The following ZNF385B variants were observed in gnomAD, a reference collection of about 807,000 sequenced individuals.
The protein encoded by ZNF385B is zinc finger protein 533.
ZNF385B carries 23 observed loss-of-function variants against 39.2 expected under a neutral mutation model. The ratio of observed to expected loss-of-function variants is 0.59; its 90% CI spans 0.42 to 0.83. ZNF385B has a LOEUF of 0.83. Among genes scored for constraint, ZNF385B ranks in the 40% least tolerant of loss-of-function variants. ZNF385B has a pLI of 0.00. For missense variants in ZNF385B, 552 were observed against 598.9 expected (o/e 0.92, Z 0.82); for synonymous variants, 205 against 222.6 (o/e 0.92, Z 0.70).
chr2:179,716,813 C>T (rs929777264), intron 3 of ZNF385B, among the ~76,000 whole-genome samples: 1 of 152,190 alleles, frequency 6.6e-6, no homozygotes, highest in African/African-American at 2.4e-5. Context: ...CCTAAGGCCA[C>T]CATGCAGTAA....
intron 1 of ZNF385B, among the ~76,000 whole-genome samples, chr2:179,820,834 T>C (rs1042936030): frequency 6.6e-5 from 10 of 152,136 alleles, no homozygotes; most frequent in Admixed American, 6.5e-4. Flanking sequence ...TTCTTGTAAA[T>C]ATTCTAAGTC....
At chr2:179,579,914 C>T (rs1053752876) in intron 3 of ZNF385B, among the ~76,000 whole-genome samples, 3 of 152,096 alleles carry the variant, frequency 2.0e-5, no homozygotes, top group Non-Finnish European at 2.9e-5. Context: ...AAGTAACTTG[C>T]CCACTTACTG....
intron 3 of ZNF385B, among the ~76,000 whole-genome samples, chr2:179,584,291 C>T (rs1388454790): frequency 6.6e-6 from 1 of 152,018 alleles, no homozygotes; most frequent in Non-Finnish European, 1.5e-5. Flanking sequence ...TCAAAAGTCC[C>T]TGGTGGGGTG....
chr2:179,808,472 T>C (rs1706533741), intron 1 of ZNF385B, among the ~76,000 whole-genome samples: 1 of 152,222 alleles, frequency 6.6e-6, no homozygotes, highest in Admixed American at 6.5e-5. Context: ...GCTGTAGCTG[T>C]AATGTAGTGC....
At chr2:179,636,979 C>T (rs527450912) in intron 3 of ZNF385B, among the ~76,000 whole-genome samples, 1 of 152,052 alleles carries the variant, frequency 6.6e-6, no homozygotes, top group East Asian at 1.9e-4. Flanking sequence ...ATAAATATAT[C>T]TAGCCACTCT....
rs185299111 is a variant in ZNF385B at position 179,707,145 on chromosome 2, C to T, written c.298+62358G>A. 4.2e-4 allele frequency among the ~76,000 whole-genome samples: 64 copies of T among 152,334 alleles called. No individual in the cohort carries two copies. In the Middle Eastern group the frequency reaches 0.017, roughly 40 times the overall value. ...AGGGGGTAACCCCATAAGACTTGCC[C>T]GCATCTAAAAGACGGCAGCACACTA... is the stretch of plus-strand genomic sequence containing the variant. On this transcript the variant is annotated intron_variant, in intron 3 of 9. Transcript: ENST00000410066.
chr2:179,600,769 C>A (rs908916787), intron 3 of ZNF385B, among the ~76,000 whole-genome samples: 1 of 152,162 alleles, frequency 6.6e-6, no homozygotes, highest in Non-Finnish European at 1.5e-5. Context: ...ATTGTGAGCT[C>A]CTTGAAGACA....
rs563604640 is a variant in ZNF385B at position 179,721,980 on chromosome 2, T to C, written c.298+47523A>G. Among the ~76,000 whole-genome samples, 14 of 152,192 alleles carry C rather than the reference T, an allele frequency of 9.2e-5. No individual in the cohort carries two copies. In the East Asian group the frequency reaches 2.7e-3, roughly 29 times the overall value. ...TATTTATATACAATATAAAATAGTC[T>C]AAAGATAAATATTAGAATTATTGGA... On this transcript the variant is annotated intron_variant, in intron 3 of 9. Coordinates refer to ENST00000410066, the MANE Select transcript of ZNF385B (RefSeq NM_152520.6).
chr2:179,593,126 C>A (rs968141171), intron 3 of ZNF385B, among the ~76,000 whole-genome samples: 1 of 151,824 alleles, frequency 6.6e-6, no homozygotes, highest in Non-Finnish European at 1.5e-5. Flanking sequence ...TTGCTGTCAA[C>A]GGGAATGATA....
chr2:179,567,482 A>G (rs1684731062), intron 3 of ZNF385B, among the ~76,000 whole-genome samples: 1 of 152,238 alleles, frequency 6.6e-6, no homozygotes, highest in African/African-American at 2.4e-5. Flanking sequence ...AAACAATTAG[A>G]GACTAATACA....
At chr2:179,860,760 G>A (rs550205185) in intron 1 of ZNF385B, 3 of 454,908 alleles carry the variant, frequency 6.6e-6, no homozygotes, top group East Asian at 7.9e-5. Context: ...AACATAGCGG[G>A]GCACTCTCCT....
At chr2:179,464,000 T>C (rs908143428) in intron 6 of ZNF385B, among the ~76,000 whole-genome samples, 2 of 152,188 alleles carry the variant, frequency 1.3e-5, no homozygotes, top group African/African-American at 4.8e-5. Context: ...CTCCACATCC[T>C]CTCCAGCACC....
At chr2:179,515,452 T>C (rs189868869) in intron 5 of ZNF385B, among the ~76,000 whole-genome samples, 17 of 152,326 alleles carry the variant, frequency 1.1e-4, no homozygotes, top group Admixed American at 7.2e-4. Flanking sequence ...ATGCAGCATG[T>C]CTTTAGGTGG....
At chr2:179,627,067 T>C (rs1039077333) in intron 3 of ZNF385B, among the ~76,000 whole-genome samples, 10 of 152,182 alleles carry the variant, frequency 6.6e-5, no homozygotes, top group Admixed American at 6.5e-5. Context: ...AACCCCTACC[T>C]TTAACAAATA....
intron 3 of ZNF385B, among the ~76,000 whole-genome samples, chr2:179,576,955 G>A (rs1685895878): frequency 1.3e-5 from 2 of 152,072 alleles, no homozygotes; most frequent in African/African-American, 2.4e-5. Flanking sequence ...GATAAAAACC[G>A]GTCCTTTTGC....
At chr2:179,609,644 A>C (rs1689121580) in intron 3 of ZNF385B, among the ~76,000 whole-genome samples, 1 of 152,192 alleles carries the variant, frequency 6.6e-6, no homozygotes, top group African/African-American at 2.4e-5. Context: ...TTTTTTGAGA[A>C]ATCTACAAAC....
chr2:179,689,492 T>C (rs779553606), intron 3 of ZNF385B, among the ~76,000 whole-genome samples: 1 of 152,108 alleles, frequency 6.6e-6, no homozygotes, highest in Non-Finnish European at 1.5e-5. Flanking sequence ...GAGGGACAAC[T>C]GCAGGAGAGA....
chr2:179,656,362 A>C (rs913972192), intron 3 of ZNF385B, among the ~76,000 whole-genome samples: 1 of 152,068 alleles, frequency 6.6e-6, no homozygotes, highest in Non-Finnish European at 1.5e-5. Context: ...ACTGAGGCTT[A>C]AAGAGGGTAA....
At chr2:179,483,546 T>C in intron 5 of ZNF385B, 112 bp from the exon 6 acceptor site, 1 of 1,398,438 alleles carries the variant, frequency 7.2e-7, no homozygotes, top group South Asian at 1.3e-5. Context: ...CATTTACAAC[T>C]CAGTACCTGA....
Sources: allele counts gnomAD v4.1 joint callset (sites outside exome capture counted in the v4.1 genomes callset), GRCh38; gene constraint gnomAD v4.1.1; transcripts MANE v1.5; gene names NCBI Gene and HGNC (gene_info 2026-07-23, HGNC 2026-07-21).